Variants in KCNB2 observed in about 807,000 individuals in gnomAD.
The protein encoded by KCNB2 is delayed rectifier potassium channel protein.
A neutral mutation model predicts 61.5 loss-of-function variants in KCNB2; 15 were observed. That is an observed-to-expected ratio of 0.24 (90% CI 0.16 to 0.38). KCNB2 has a LOEUF of 0.38. Among genes scored for constraint, KCNB2 ranks in the 10% least tolerant of loss-of-function variants. The probability of loss-of-function intolerance (pLI) is 1.00; values close to 1 mark genes in which losing one functional copy is unlikely to be tolerated. For synonymous variants in KCNB2, 457 were observed against 446.0 expected, an observed-to-expected ratio of 1.02 and a Z score of -0.31; for missense variants, 828 against 1,125.2, an observed-to-expected ratio of 0.74 and a Z score of 3.78.
intron 2 of KCNB2, among the ~76,000 whole-genome samples, chr8:72,615,122 G>T (rs1337771246): frequency 3.3e-5 from 5 of 152,226 alleles, no homozygotes; most frequent in African/African-American, 1.2e-4. Flanking sequence ...GAAAGCAGGA[G>T]CATGGAGCTC....
chr8:72,717,387 G>A (rs1218383804), intron 2 of KCNB2, among the ~76,000 whole-genome samples: 1 of 152,162 alleles, frequency 6.6e-6, no homozygotes, highest in Non-Finnish European at 1.5e-5. Flanking sequence ...AAAGCTGGAG[G>A]CATCACACTA....
intron 2 of KCNB2, among the ~76,000 whole-genome samples, chr8:72,842,626 T>C (rs1465641252): frequency 1.3e-5 from 2 of 152,230 alleles, no homozygotes; most frequent in East Asian, 3.8e-4. Context: ...GTTATTGGTC[T>C]ATTCAAAGAT....
intron 2 of KCNB2, among the ~76,000 whole-genome samples, chr8:72,927,822 C>T (rs1806684916): frequency 6.6e-6 from 1 of 152,174 alleles, no homozygotes; most frequent in South Asian, 2.1e-4. Context: ...CCCAGCCACA[C>T]AAAAGTACTT....
chr8:72,633,047 C>G (rs1477444150), intron 2 of KCNB2, among the ~76,000 whole-genome samples: 1 of 152,220 alleles, frequency 6.6e-6, no homozygotes, highest in Non-Finnish European at 1.5e-5. Context: ...ACTGGCTCCT[C>G]TGTTCCAGGT....
In KCNB2 at chr8:72,844,213, A is replaced by G. The variant is rs1809944747; in HGVS notation, c.580-91722A>G. Among the ~76,000 whole-genome samples the G allele has an allele frequency of 2.0e-5, 3 of 152,152 alleles. No homozygotes were observed. In the South Asian group the frequency reaches 6.2e-4, roughly 32 times the overall value. On this transcript the variant is annotated intron_variant, in intron 2 of 2. Coordinates refer to ENST00000523207, the MANE Select transcript of KCNB2 (RefSeq NM_004770.3). ...CGCTTATGAAGCTTAGTTTGGCTGG[A>G]TATGAAATTCTGGGTTGAAAATTCT...
chr8:72,818,478 G>A (rs1220010000), intron 2 of KCNB2, among the ~76,000 whole-genome samples: 1 of 152,126 alleles, frequency 6.6e-6, no homozygotes, highest in Non-Finnish European at 1.5e-5. Context: ...GGGCTCCCCT[G>A]GAAAATGCAC....
chr8:72,614,541 G>T (rs546768529), intron 2 of KCNB2, among the ~76,000 whole-genome samples: 1 of 152,202 alleles, frequency 6.6e-6, no homozygotes, highest in East Asian at 1.9e-4. Flanking sequence ...GGGATTGAGC[G>T]CAGCAGCATA....
At chr8:72,917,866 G>A (rs1208303185) in intron 2 of KCNB2, among the ~76,000 whole-genome samples, 1 of 152,152 alleles carries the variant, frequency 6.6e-6, no homozygotes, top group African/African-American at 2.4e-5. Context: ...GTGATATCAG[G>A]TTGGTAGAAC....
intron 2 of KCNB2, among the ~76,000 whole-genome samples, chr8:72,640,721 TTATAAAC>T (rs2128985664): frequency 6.6e-6 from 1 of 152,208 alleles, no homozygotes; most frequent in Admixed American, 6.5e-5. Context: ...TAATTATAGT[TTATAAAC>T]TATTGATGTT....
intron 2 of KCNB2, among the ~76,000 whole-genome samples, chr8:72,829,036 C>G (rs967915069): frequency 1.3e-5 from 2 of 152,162 alleles, no homozygotes; most frequent in African/African-American, 4.8e-5. Flanking sequence ...TCCCGTGATT[C>G]ATTGTAATTT....
chr8:72,610,322 C>T (rs886220112), intron 2 of KCNB2, among the ~76,000 whole-genome samples: 5 of 152,066 alleles, frequency 3.3e-5, no homozygotes, highest in African/African-American at 1.2e-4. Context: ...GCTTAAAAAC[C>T]GAACTCTAAA....
At chr8:72,800,266 A>T (rs1809102826) in intron 2 of KCNB2, among the ~76,000 whole-genome samples, 1 of 152,176 alleles carries the variant, frequency 6.6e-6, no homozygotes, top group Non-Finnish European at 1.5e-5. Flanking sequence ...CAGAAGCATC[A>T]TGTCATTGAA....
intron 2 of KCNB2, among the ~76,000 whole-genome samples, chr8:72,650,355 C>T (rs1806194174): frequency 6.6e-6 from 1 of 152,130 alleles, no homozygotes; most frequent in African/African-American, 2.4e-5. Flanking sequence ...TTAGTTGCCA[C>T]CTTTTTCTAA....
chr8:72,671,790 G>A (rs866267759), intron 2 of KCNB2, among the ~76,000 whole-genome samples: 18 of 152,274 alleles, frequency 1.2e-4, no homozygotes, highest in Admixed American at 3.9e-4. Context: ...GCACTTGCCC[G>A]CCTCTGTTTC....
chr8:72,854,347 G>A (rs1166721837), intron 2 of KCNB2, among the ~76,000 whole-genome samples: 1 of 152,162 alleles, frequency 6.6e-6, no homozygotes, highest in Non-Finnish European at 1.5e-5. Context: ...GTTAGGAAAA[G>A]ACTATTTAAA....
intron 2 of KCNB2, among the ~76,000 whole-genome samples, chr8:72,899,630 G>A (rs1313453691): frequency 2.0e-5 from 3 of 151,668 alleles, no homozygotes; most frequent in Non-Finnish European, 2.9e-5. Flanking sequence ...ATTTACAATA[G>A]CCACAAAAGA....
intron 2 of KCNB2, among the ~76,000 whole-genome samples, chr8:72,793,820 G>A (rs2033918): frequency 0.1 from 15,329 of 152,186 alleles, 1,051 homozygotes; most frequent in East Asian, 0.39. Context: ...CCACAAAAAG[G>A]GCCAAATGTT....
At chr8:72,769,586 G>A (rs1298086343) in intron 2 of KCNB2, among the ~76,000 whole-genome samples, 9 of 152,164 alleles carry the variant, frequency 5.9e-5, no homozygotes, top group African/African-American at 1.9e-4. Context: ...GGAGGGAAGC[G>A]ACCCTCAGGG....
chr8:72,703,043 A>T (rs1408148175), intron 2 of KCNB2, among the ~76,000 whole-genome samples: 1 of 152,192 alleles, frequency 6.6e-6, no homozygotes, highest in Non-Finnish European at 1.5e-5. Flanking sequence ...TTTGTTTTTC[A>T]TCTTGCTGGA....
Sources: allele counts gnomAD v4.1 joint callset (sites outside exome capture counted in the v4.1 genomes callset), GRCh38; gene constraint gnomAD v4.1.1; transcripts MANE v1.5; gene names NCBI Gene and HGNC (gene_info 2026-07-23, HGNC 2026-07-21).